The following PSPC1 variants were observed in gnomAD, a reference collection of about 807,000 sequenced individuals.
PSPC1 encodes the protein paraspeckle component 1.
Under a neutral mutation model 51.6 loss-of-function variants are expected in PSPC1, and 14 were observed. The observed-to-expected ratio is 0.27, with a 90% CI of 0.18 to 0.42. The LOEUF is 0.42. Among genes scored for constraint, PSPC1 ranks in the 10% least tolerant of loss-of-function variants. The probability of loss-of-function intolerance (pLI) is 1.00; values close to 1 mark genes in which losing one functional copy is unlikely to be tolerated. For missense variants in PSPC1, 406 were observed against 701.1 expected, an observed-to-expected ratio of 0.58 and a Z score of 4.75; for synonymous variants, 193 against 231.9, an observed-to-expected ratio of 0.83 and a Z score of 1.53.
At chr13:19,774,945 C>G (rs1280266894) in intron 1 of PSPC1, among the ~76,000 whole-genome samples, 1 of 151,826 alleles carries the variant, frequency 6.6e-6, no homozygotes. Context: ...GAAGCCAAAA[C>G]AGGAAGAATC....
At chr13:19,748,381 G>A (rs1426776613) in intron 4 of PSPC1, among the ~76,000 whole-genome samples, 1 of 152,132 alleles carries the variant, frequency 6.6e-6, no homozygotes, top group Admixed American at 6.6e-5. Flanking sequence ...GCAGGGAGTA[G>A]GATTCAACAA....
chr13:19,719,895 T>C (rs1882563250), intron 6 of PSPC1, among the ~76,000 whole-genome samples: 1 of 152,164 alleles, frequency 6.6e-6, no homozygotes, highest in Non-Finnish European at 1.5e-5. Context: ...TTGCCCGAGC[T>C]GGCCTTGAAT....
intron 1 of PSPC1, among the ~76,000 whole-genome samples, chr13:19,775,309 G>A (rs1889004877): frequency 6.6e-6 from 1 of 151,710 alleles, no homozygotes; most frequent in Non-Finnish European, 1.5e-5. Context: ...CTGAGACAGT[G>A]CCACTACACT....
At chr13:19,754,389 T>C (rs1012669962) in intron 3 of PSPC1, among the ~76,000 whole-genome samples, 29 of 149,146 alleles carry the variant, frequency 1.9e-4, no homozygotes, top group African/African-American at 6.6e-4. Context: ...CCCAGCCTTG[T>C]GAGCATTTTC....
At chr13:19,758,042 C>T (rs9506371) in intron 3 of PSPC1, among the ~76,000 whole-genome samples, 103,944 of 152,012 alleles carry the variant, frequency 0.68, 38,189 homozygotes, top group East Asian at 0.89. Flanking sequence ...CGGCTGGGTG[C>T]GGTGGCTCAC....
intron 6 of PSPC1, chr13:19,678,983 A>G (rs925860193): frequency 6.6e-6 from 1 of 152,266 alleles, no homozygotes; most frequent in Non-Finnish European, 1.5e-5. Flanking sequence ...GGAACTCCTG[A>G]GCGCAGGCAA....
chr13:19,677,060 C>A (rs1056423459), intron 7 of PSPC1, among the ~76,000 whole-genome samples: 1 of 152,136 alleles, frequency 6.6e-6, no homozygotes, highest in Non-Finnish European at 1.5e-5. Flanking sequence ...CAGTGAAACC[C>A]CGTCTCTACT....
intron 2 of PSPC1, among the ~76,000 whole-genome samples, chr13:19,770,381 C>T (rs1028775762): frequency 1.2e-4 from 19 of 152,150 alleles, no homozygotes; most frequent in African/African-American, 3.9e-4. Flanking sequence ...TGAGCTCAGC[C>T]GGGTGAAGTG....
chr13:19,722,828 G>A (rs1882934152), intron 6 of PSPC1, among the ~76,000 whole-genome samples: 1 of 151,158 alleles, frequency 6.6e-6, no homozygotes, highest in African/African-American at 2.4e-5. Flanking sequence ...AAAATTTTCT[G>A]GCCAGGCACA....
At chr13:19,719,407 G>A (rs1204457451) in intron 6 of PSPC1, among the ~76,000 whole-genome samples, 5 of 152,018 alleles carry the variant, frequency 3.3e-5, no homozygotes, top group Non-Finnish European at 7.4e-5. Flanking sequence ...TGGGCTCAAC[G>A]GATCCTCCTG....
At chr13:19,774,225 G>A (rs926725204) in intron 1 of PSPC1, among the ~76,000 whole-genome samples, 3 of 152,150 alleles carry the variant, frequency 2.0e-5, no homozygotes, top group East Asian at 1.9e-4. Flanking sequence ...AAATTTAACA[G>A]AAGTATGTCT....
intron 5 of PSPC1, among the ~76,000 whole-genome samples, chr13:19,735,169 A>C (rs1007904453): frequency 6.6e-6 from 1 of 151,118 alleles, no homozygotes; most frequent in Admixed American, 6.6e-5. Flanking sequence ...AAAATTAGCC[A>C]GGCAGGGTGG....
At chr13:19,685,180 C>G (rs902503664) in intron 6 of PSPC1, among the ~76,000 whole-genome samples, 4 of 152,204 alleles carry the variant, frequency 2.6e-5, no homozygotes, top group Non-Finnish European at 5.9e-5. Flanking sequence ...AGCTTCCCAT[C>G]AGCAAAGCTG....
chr13:19,766,862 A>C (rs2138260733), intron 2 of PSPC1, among the ~76,000 whole-genome samples: 1 of 151,440 alleles, frequency 6.6e-6, no homozygotes, highest in African/African-American at 2.4e-5. Context: ...CTCGAGGAAA[A>C]AAAAAGAAAA....
intron 8 of PSPC1, among the ~76,000 whole-genome samples, chr13:19,704,390 TA>T (rs1478894438): frequency 1.3e-5 from 2 of 152,106 alleles, no homozygotes; most frequent in Non-Finnish European, 2.9e-5. Context: ...TTGAAGCAAA[TA>T]AAATAATGAT....
At chr13:19,747,442 C>A (rs1300116292) in intron 4 of PSPC1, among the ~76,000 whole-genome samples, 2 of 152,114 alleles carry the variant, frequency 1.3e-5, no homozygotes, top group African/African-American at 4.8e-5. Context: ...AGTGATCCTC[C>A]CACCTAAGCC....
rs370184440 is a variant in PSPC1, at chr13:19,767,879, C to T, written c.674+4363G>A. 2.2e-3 allele frequency among the ~76,000 whole-genome samples: 339 copies of T among 152,178 alleles called. 11 individuals are homozygous for T. In the South Asian group the frequency reaches 0.053, roughly 24 times the overall value. On this transcript the variant is annotated intron_variant, in intron 2 of 8. Coordinates refer to ENST00000338910, the MANE Select transcript of PSPC1 (RefSeq NM_001354909.2). Reference sequence around the variant, plus strand: ...AAGAAAAAAATTGATGAAATTTGGACTTCATAAAATATAAAAACATCTGCT... The same window carrying T: ...AAGAAAAAAATTGATGAAATTTGGATTTCATAAAATATAAAAACATCTGCT...
intron 6 of PSPC1, among the ~76,000 whole-genome samples, chr13:19,710,118 G>C (rs1317527241): frequency 6.6e-6 from 1 of 151,248 alleles, no homozygotes; most frequent in Non-Finnish European, 1.5e-5. Flanking sequence ...TCATGTATTT[G>C]TATTCATCTA....
At chr13:19,688,801 T>A (rs747353106) in intron 6 of PSPC1, among the ~76,000 whole-genome samples, 1 of 152,152 alleles carries the variant, frequency 6.6e-6, no homozygotes, top group African/African-American at 2.4e-5. Flanking sequence ...AATGACATAA[T>A]CTCTTGCAAT....
Sources: allele counts gnomAD v4.1 joint callset (sites outside exome capture counted in the v4.1 genomes callset), GRCh38; gene constraint gnomAD v4.1.1; transcripts MANE v1.5; gene names NCBI Gene and HGNC (gene_info 2026-07-23, HGNC 2026-07-21).